Variants in CENPP observed in about 807,000 individuals in gnomAD.
The protein encoded by CENPP is centromere protein P.
CENPP carries 24 observed loss-of-function variants against 35.6 expected under a neutral mutation model. The ratio of observed to expected loss-of-function variants is 0.67; its 90% CI spans 0.49 to 0.95. The LOEUF (loss-of-function observed/expected upper bound fraction) is 0.95, where lower values mean the gene tolerates loss of function less well. Among genes scored for constraint, CENPP ranks in the 40% least tolerant of loss-of-function variants. CENPP has a pLI of 0.00. For missense variants in CENPP, 332 were observed against 345.3 expected (o/e 0.96, Z 0.31); for synonymous variants, 120 against 125.5 (o/e 0.96, Z 0.29).
chr9:92,438,750 C>T (rs1376633347), intron 5 of CENPP, among the ~76,000 whole-genome samples: 1 of 152,170 alleles, frequency 6.6e-6, no homozygotes, highest in African/African-American at 2.4e-5. Context: ...GTCAGGAGTT[C>T]GAGGCCAGCC....
intron 5 of CENPP, chr9:92,457,213 T>G: frequency 6.5e-7 from 1 of 1,541,406 alleles, no homozygotes; most frequent in Non-Finnish European, 8.8e-7. Context: ...ACTACCATTA[T>G]TAATAGAGTT....
intron 5 of CENPP, among the ~76,000 whole-genome samples, chr9:92,525,588 G>A (rs1398715898): frequency 6.6e-6 from 1 of 152,176 alleles, no homozygotes; most frequent in East Asian, 1.9e-4. Flanking sequence ...TGCACTTCCA[G>A]TCATATAAAA....
Position 92,501,134 on chromosome 9 carries a change from G to A in CENPP, c.565-110180G>A, listed in dbSNP as rs1209382125. On this transcript the variant is annotated intron_variant, in intron 5 of 7. Transcript: ENST00000375587. ...TCTAAATTTTGATAAGGCCAGTCTCGATGCTGGTCCATTTTCCTATAAGCA... is the reference window on the plus strand; with the variant it reads ...TCTAAATTTTGATAAGGCCAGTCTCAATGCTGGTCCATTTTCCTATAAGCA... 12 of 1,389,334 alleles carry A rather than the reference G, an allele frequency of 8.6e-6. No homozygotes were observed. The African/African-American group carries it at 8.7e-5, about 10-fold the overall frequency. 86.1% of individuals were successfully genotyped at this position (1,389,334 alleles called of 1,614,324 possible). A position where few individuals can be genotyped will look rare whatever the true frequency, so the allele number is the denominator to read the frequency against.
At chr9:92,345,809 C>G (rs1207628852) in intron 4 of CENPP, 22 bp downstream of exon 4, 7 of 1,450,314 alleles carry the variant, frequency 4.8e-6, no homozygotes, top group Non-Finnish European at 6.7e-6. Context: ...TACAAACTTA[C>G]TTTTTTAGAG....
chr9:92,356,328 ATC>A (rs1841587981), intron 4 of CENPP, among the ~76,000 whole-genome samples: 1 of 152,232 alleles, frequency 6.6e-6, no homozygotes, highest in Non-Finnish European at 1.5e-5. Context: ...CAACTTGCAC[ATC>A]TGTTTATAGG....
intron 5 of CENPP, among the ~76,000 whole-genome samples, chr9:92,439,383 T>C (rs1395221112): frequency 6.6e-6 from 1 of 151,984 alleles, no homozygotes; most frequent in Non-Finnish European, 1.5e-5. Flanking sequence ...AAAATATATA[T>C]ATTTTTAAAA....
intron 5 of CENPP, among the ~76,000 whole-genome samples, chr9:92,450,608 C>T (rs1402592671): frequency 6.6e-6 from 1 of 152,080 alleles, no homozygotes; most frequent in African/African-American, 2.4e-5. Context: ...TGGGTATATA[C>T]TCAGTAATGG....
intron 4 of CENPP, among the ~76,000 whole-genome samples, chr9:92,352,538 T>TATATATATATATATAA (rs1464334295): frequency 2.1e-4 from 24 of 114,418 alleles, no homozygotes; most frequent in South Asian, 5.6e-4. Context: ...TATATATATA[T>TATATATATATATATAA]AATATAACGG....
At chr9:92,501,076 C>T (rs371112363) in intron 5 of CENPP, 1 of 1,606,440 alleles carries the variant, frequency 6.2e-7, no homozygotes. Flanking sequence ...AAAAAGTAAA[C>T]AGGGTAGGGA....
chr9:92,608,491 T>G (rs1222435368), intron 5 of CENPP, among the ~76,000 whole-genome samples: 1 of 152,200 alleles, frequency 6.6e-6, no homozygotes, highest in East Asian at 1.9e-4. Context: ...CGACTGCTGT[T>G]GAGATGTGCT....
At chr9:92,464,467 T>G (rs1344976144) in intron 5 of CENPP, among the ~76,000 whole-genome samples, 1 of 152,244 alleles carries the variant, frequency 6.6e-6, no homozygotes, top group Non-Finnish European at 1.5e-5. Flanking sequence ...ATGCCTTGCC[T>G]TGAATGGCAT....
At chr9:92,385,628 A>G (rs200546976) in intron 5 of CENPP, 3 of 1,613,920 alleles carry the variant, frequency 1.9e-6, no homozygotes, top group East Asian at 2.2e-5. Flanking sequence ...GGTTAAAAGT[A>G]TGACCCTATC....
intron 3 of CENPP, among the ~76,000 whole-genome samples, chr9:92,344,111 T>TA (rs151284287): frequency 1.4e-3 from 210 of 152,208 alleles, no homozygotes; most frequent in African/African-American, 4.6e-3. Context: ...GAGACACATG[T>TA]AGGGGCTTTG....
chr9:92,465,224 ATT>A (rs1255811683), intron 5 of CENPP, among the ~76,000 whole-genome samples: 8 of 152,226 alleles, frequency 5.3e-5, no homozygotes, highest in Non-Finnish European at 1.0e-4. Context: ...ACGGCTTTGT[ATT>A]ATGTAAACTG....
At chr9:92,548,107 A>T (rs1226154242) in intron 5 of CENPP, among the ~76,000 whole-genome samples, 1 of 152,214 alleles carries the variant, frequency 6.6e-6, no homozygotes, top group Non-Finnish European at 1.5e-5. Flanking sequence ...AAAAATAAAT[A>T]GTGGTTTGGC....
chr9:92,361,429 C>T (rs1245261728), intron 4 of CENPP, among the ~76,000 whole-genome samples: 1 of 149,296 alleles, frequency 6.7e-6, no homozygotes, highest in East Asian at 2.0e-4. Context: ...GCATGAGCCA[C>T]CGTACCTGGC....
At chr9:92,385,792 T>C (rs750857725) in intron 5 of CENPP, 1 of 1,612,286 alleles carries the variant, frequency 6.2e-7, no homozygotes, top group Admixed American at 1.7e-5. Flanking sequence ...GTTGTTGAAC[T>C]GAAAAAAAAC....
At chr9:92,409,307 A>G (rs796428532) in intron 5 of CENPP, among the ~76,000 whole-genome samples, 10 of 152,342 alleles carry the variant, frequency 6.6e-5, no homozygotes, top group African/African-American at 2.2e-4. Flanking sequence ...TCCAAGATGT[A>G]GAAGAAATGG....
chr9:92,349,065 G>A (rs1564272223), intron 4 of CENPP, among the ~76,000 whole-genome samples: 1 of 152,162 alleles, frequency 6.6e-6, no homozygotes, highest in Non-Finnish European at 1.5e-5. Context: ...ATTTTGCCCT[G>A]TGTCACTCTA....
Sources: gnomAD v4.1 joint callset for allele counts (sites outside exome capture counted in the v4.1 genomes callset) on GRCh38, gnomAD v4.1.1 for gene constraint, MANE v1.5 for transcripts, NCBI Gene and HGNC (gene_info 2026-07-23, HGNC 2026-07-21) for gene names.